The following TAB2 variants were observed in gnomAD, a reference collection of about 807,000 sequenced individuals.
The protein encoded by TAB2 is TGF-beta activated kinase 1 (MAP3K7) binding protein 2, also known as TGF-beta-activated kinase 1 and MAP3K7-binding protein 2.
A neutral mutation model predicts 65.0 loss-of-function variants in TAB2; 3 were observed. The observed-to-expected ratio is 0.05, with a 90% CI of 0.02 to 0.12. The LOEUF is 0.12. TAB2 is among the 10% of genes least tolerant of loss of function. TAB2 has a pLI of 1.00. For synonymous variants in TAB2, 298 were observed against 285.1 expected, an observed-to-expected ratio of 1.05 and a Z score of -0.46; for missense variants, 623 against 840.3, an observed-to-expected ratio of 0.74 and a Z score of 3.20.
At chr6:149,361,400 C>A (rs910440069) in intron 1 of TAB2, among the ~76,000 whole-genome samples, 1 of 152,176 alleles carries the variant, frequency 6.6e-6, no homozygotes, top group East Asian at 1.9e-4. Context: ...AGCAGCAGCC[C>A]GAGTTGTTCT....
At chr6:149,316,632 T>G (rs1779257994), upstream of TAB2, among the ~76,000 whole-genome samples, 1 of 151,634 alleles carries the variant, frequency 6.6e-6, no homozygotes, top group South Asian at 2.1e-4. Flanking sequence ...AACACGCTTT[T>G]TTTTTCCCTA....
chr6:149,276,524 T>C (rs921006554), intron 1 of TAB2, among the ~76,000 whole-genome samples: 1 of 151,972 alleles, frequency 6.6e-6, no homozygotes, highest in African/African-American at 2.4e-5. Context: ...CCAAATTTCT[T>C]AGGGGTCAAT....
At chr6:149,278,170 A>C (rs79625186) in intron 1 of TAB2, among the ~76,000 whole-genome samples, 11,142 of 152,260 alleles carry the variant, frequency 0.073, 779 homozygotes, top group East Asian at 0.39. Flanking sequence ...TACTATAATT[A>C]TCATTCCAAG....
rs1164262901 is a variant in TAB2, at chr6:149,288,586, A to G, written c.-121+69810A>G. ...AACTACTGCAGAAAAAGTAAGTCCA[A>G]TTAGTGAAAAGCTTAACTCCAGAAC... On this transcript the variant is annotated intron_variant, in intron 1 of 1. Transcript: ENST00000606202. Among the ~76,000 whole-genome samples the G allele has an allele frequency of 3.9e-5, 6 of 152,180 alleles. 1 individual carries two copies. The South Asian group carries it at 8.3e-4, about 21-fold the overall frequency.
intron 1 of TAB2, among the ~76,000 whole-genome samples, chr6:149,355,006 C>CA (rs1780610635): frequency 6.6e-6 from 1 of 152,104 alleles, no homozygotes; most frequent in African/African-American, 2.4e-5. Context: ...TACAGATTGC[C>CA]AAATTGACAT....
At chr6:149,229,983 C>A (rs1005037258) in intron 1 of TAB2, 1 of 152,198 alleles carries the variant, frequency 6.6e-6, no homozygotes, top group Non-Finnish European at 1.5e-5. Flanking sequence ...TTGAACACCT[C>A]TCCCAGAAGT....
At chr6:149,271,847 G>T (rs1203504243) in intron 1 of TAB2, among the ~76,000 whole-genome samples, 2 of 152,006 alleles carry the variant, frequency 1.3e-5, no homozygotes, top group Non-Finnish European at 2.9e-5. Flanking sequence ...TTACTTTTGA[G>T]GTTAACGGAA....
chr6:149,370,920 G>A (rs1208266765), intron 2 of TAB2, among the ~76,000 whole-genome samples: 2 of 151,714 alleles, frequency 1.3e-5, no homozygotes, highest in Non-Finnish European at 2.9e-5. Context: ...ACCAAAATTA[G>A]CCAGGTGTGG....
intron 6 of TAB2, among the ~76,000 whole-genome samples, chr6:149,407,962 C>G (rs369667752): frequency 2.0e-5 from 3 of 152,112 alleles, no homozygotes; most frequent in Non-Finnish European, 4.4e-5. Flanking sequence ...CTTATGGTCA[C>G]TCTTCCTAAA....
At chr6:149,300,810 CA>C (rs1290047450) in intron 1 of TAB2, among the ~76,000 whole-genome samples, 1 of 152,166 alleles carries the variant, frequency 6.6e-6, no homozygotes, top group Non-Finnish European at 1.5e-5. Flanking sequence ...GAGTCCATAC[CA>C]TTAGTTCTTA....
chr6:149,364,800 G>A (rs957325866), intron 1 of TAB2, among the ~76,000 whole-genome samples: 8 of 150,678 alleles, frequency 5.3e-5, no homozygotes, highest in African/African-American at 1.7e-4. Flanking sequence ...ACGTGGTCTC[G>A]TGTTAAACAG....
chr6:149,385,440 C>G (rs991434548), intron 3 of TAB2, among the ~76,000 whole-genome samples: 3 of 152,286 alleles, frequency 2.0e-5, no homozygotes, highest in Admixed American at 2.0e-4. Context: ...GGCAGGAAGA[C>G]TGCTTGAGTG....
chr6:149,337,899 T>C (rs1044975161), intron 1 of TAB2, among the ~76,000 whole-genome samples: 4 of 151,882 alleles, frequency 2.6e-5, no homozygotes, highest in Non-Finnish European at 5.9e-5. Flanking sequence ...CAGGAGATAT[T>C]GGAAAGAAAA....
At chr6:149,299,697 T>G (rs879602718) in intron 1 of TAB2, among the ~76,000 whole-genome samples, 3 of 152,176 alleles carry the variant, frequency 2.0e-5, no homozygotes, top group Non-Finnish European at 4.4e-5. Context: ...TGAAGCTAAA[T>G]AAAGCTAGAT....
chr6:149,366,923 G>T (rs1187769203), intron 1 of TAB2, among the ~76,000 whole-genome samples: 1 of 151,102 alleles, frequency 6.6e-6, no homozygotes, highest in Non-Finnish European at 1.5e-5. Context: ...GTCTCAATCA[G>T]ACTATTTGCC....
intron 1 of TAB2, among the ~76,000 whole-genome samples, chr6:149,344,060 T>C (rs1344736781): frequency 2.0e-5 from 3 of 152,206 alleles, no homozygotes; most frequent in Non-Finnish European, 4.4e-5. Context: ...TCTGGCAATT[T>C]AGTCAGCATT....
chr6:149,237,908 G>C (rs1478714695), intron 1 of TAB2, among the ~76,000 whole-genome samples: 1 of 152,144 alleles, frequency 6.6e-6, no homozygotes, highest in Non-Finnish European at 1.5e-5. Context: ...TTCAAAACTT[G>C]GCTCTAAGAT....
chr6:149,369,750 A>G (rs1411251449), intron 1 of TAB2, among the ~76,000 whole-genome samples, 159 bp from the exon 2 acceptor site: 2 of 152,268 alleles, frequency 1.3e-5, no homozygotes, highest in East Asian at 3.8e-4. Flanking sequence ...TACTAAAAAG[A>G]TAGTATAACT....
At chr6:149,298,652 A>G (rs73609055) in intron 1 of TAB2, among the ~76,000 whole-genome samples, 2,477 of 152,256 alleles carry the variant, frequency 0.016, 60 homozygotes, top group African/African-American at 0.056. Context: ...CCTGTAACCT[A>G]AAACAGTCAT....
Sources: gnomAD v4.1 joint callset for allele counts (sites outside exome capture counted in the v4.1 genomes callset) on GRCh38, gnomAD v4.1.1 for gene constraint, MANE v1.5 for transcripts, NCBI Gene and HGNC (gene_info 2026-07-23, HGNC 2026-07-21) for gene names.